ZNF425: variants seen among roughly 807,000 people sequenced by gnomAD.
ZNF425 encodes the protein zinc finger protein 425.
Under a neutral mutation model 17.0 loss-of-function variants are expected in ZNF425, and 21 were observed. The ratio of observed to expected loss-of-function variants is 1.23; its 90% confidence interval spans 0.88 to 1.78. ZNF425 has a LOEUF of 1.78. Ranked by LOEUF, ZNF425 falls within the 40% of genes most tolerant of loss-of-function variation. The probability of loss-of-function intolerance (pLI) is 0.00; values close to 1 mark genes in which losing one functional copy is unlikely to be tolerated. For missense variants in ZNF425, 868 were observed against 967.3 expected, an observed-to-expected ratio of 0.90 and a Z score of 1.36; for synonymous variants, 433 against 384.1, an observed-to-expected ratio of 1.13 and a Z score of -1.49.
intron 1 of ZNF425, among the ~76,000 whole-genome samples, chr7:149,122,105 G>C (rs925936295): frequency 2.8e-5 from 3 of 106,916 alleles, no homozygotes; most frequent in Non-Finnish European, 3.9e-5. Context: ...TTGTATTTTT[G>C]TATTTTTAGT....
chr7:149,121,543 C>T (rs919810237), intron 1 of ZNF425, among the ~76,000 whole-genome samples: 4 of 152,048 alleles, frequency 2.6e-5, no homozygotes, highest in Non-Finnish European at 5.9e-5. Flanking sequence ...AGGCGTGCCC[C>T]ACCATGCCCG....
chr7:149,118,367 T>A lies in ZNF425; in HGVS notation c.19-19A>T. 1 of 1,613,172 alleles carries A rather than the reference T, an allele frequency of 6.2e-7. No individual in the cohort carries two copies. The stretch of plus-strand genomic sequence containing the variant: ...CAGTTACCTGGAATCACAAATAGTA[T>A]ACACATACATTTTTACTTTACGGCT... On this transcript the variant is annotated intron_variant, in intron 1 of 3. Coordinates refer to ENST00000378061, the MANE Select transcript of ZNF425 (RefSeq NM_001001661.3).
Position 149,104,699 on chromosome 7 carries a change from C to T in ZNF425, c.1172G>A (p.Cys391Tyr), listed in dbSNP as rs748866487. ...SEEKPFSCGE[C>Y]GRKFIYKIKL... ...AATCTTGTAGATGAATTTCCTGCCA[C>T]ATTCACCACAAGAAAACGGCTTTTC... Residue 391 changes from cysteine to tyrosine, a missense_variant, in exon 4 of 4, where the codon TGT becomes TAT. Cys to Tyr is a radical substitution (Grantham distance 194). This residue lies in a region of ZNF425 where 243 missense variants were observed against 265.2 expected (regional missense o/e 0.92). Coordinates refer to ENST00000378061, the MANE Select transcript of ZNF425 (RefSeq NM_001001661.3). This position sits in a 1 kb window ranked among gnomAD's most constrained non-coding sequence, Gnocchi z 4.3. 1.2e-6 allele frequency: 2 copies of T among 1,613,884 alleles called. No homozygotes were observed. Among genetic ancestry groups the T allele is most frequent in the South Asian group, 1.1e-5 (1 of 91,088 alleles).
rs1274501643 is a variant in ZNF425 at position 149,103,404 on chromosome 7, G to C, written c.*208C>G. On this transcript the variant is annotated 3_prime_UTR_variant, in exon 4 of 4. Coordinates refer to ENST00000378061, the MANE Select transcript of ZNF425 (RefSeq NM_001001661.3). ...GGCTGACTTTTATATTTTTTGTAGA[G>C]ATGGAGTCTTGCAATGTTGCCTAGG... The C allele has an allele frequency of 3.6e-5, 21 of 585,034 alleles. No homozygotes were observed. The highest frequency in any genetic ancestry group is 4.6e-4 in the Middle Eastern group (1 of 2,170). The allele number at this position is 585,034 out of a possible 1,614,324, so 36.2% of individuals were successfully genotyped here. A position where few individuals can be genotyped will look rare whatever the true frequency, so the allele number is the denominator to read the frequency against.
At chr7:149,122,486 G>A (rs553961911) in intron 1 of ZNF425, among the ~76,000 whole-genome samples, 63 of 152,064 alleles carry the variant, frequency 4.1e-4, no homozygotes, top group African/African-American at 1.3e-3. Context: ...GCCCCAGTCC[G>A]TATCTTTTCA....
chr7:149,125,826 G>T, intron 1 of ZNF425: 1 of 398,886 alleles, frequency 2.5e-6, no homozygotes, highest in Non-Finnish European at 4.6e-6. Flanking sequence ...GGGGAACCTG[G>T]TGGTCCCCGC....
intron 2 of ZNF425, among the ~76,000 whole-genome samples, chr7:149,113,697 G>C (rs184041581): frequency 6.6e-6 from 1 of 151,592 alleles, no homozygotes; most frequent in Non-Finnish European, 1.5e-5. Flanking sequence ...GACTACAGGC[G>C]CCTGCCACCA....
At chr7:149,110,874 A>C (rs1463099358) in intron 3 of ZNF425, among the ~76,000 whole-genome samples, 1 of 148,364 alleles carries the variant, frequency 6.7e-6, no homozygotes. Context: ...GGCTCACTGC[A>C]AACTCCGCCT....
rs765329184 is a variant in ZNF425 at position 149,126,251 on chromosome 7, T to C, written c.-38A>G. The C allele has an allele frequency of 1.2e-6, 2 of 1,603,274 alleles. No homozygotes were observed. The highest frequency in any genetic ancestry group is 4.5e-5 in the East Asian group (2 of 44,132). On this transcript the variant is annotated 5_prime_UTR_variant, in exon 1 of 4. Transcript: ENST00000378061. ...CGAACCGGCCCTGCCTGGCACGGCC[T>C]CCCCTCCGCTCCGCCCCAACCCAAC...
chr7:149,109,346 G>C (rs1216955876), intron 3 of ZNF425, among the ~76,000 whole-genome samples: 2 of 152,036 alleles, frequency 1.3e-5, no homozygotes, highest in African/African-American at 2.4e-5. Context: ...CAAAGTGCTG[G>C]GATTACAGGC....
rs551449335 is a variant in ZNF425, at chr7:149,107,411, C to T, written c.305-1845G>A. Among the ~76,000 whole-genome samples, 1,086 of 151,652 alleles carry T rather than the reference C, an allele frequency of 7.2e-3. 15 individuals carry two copies. Among genetic ancestry groups the T allele is most frequent in the African/African-American group, 0.025 (1,026 of 41,314 alleles). ...GGAGTGCAGTAGCGCGATCTCTGCT[C>T]ACTGCAAGCTCCACCTCCCGGGTTC... On this transcript the variant is annotated intron_variant, in intron 3 of 3. Transcript: ENST00000378061.
rs1302611848 is a variant in ZNF425, at chr7:149,126,221, C to A, written c.-8G>T. On this transcript the variant is annotated 5_prime_UTR_variant, in exon 1 of 4. Transcript: ENST00000378061. ...CGAAGCCGGCTCGGCCATGGCGGTT[C>A]CGCACGAACCGGCCCTGCCTGGCAC... The A allele has an allele frequency of 6.2e-7, 1 of 1,611,186 alleles. No individual in the cohort carries two copies. The highest frequency in any genetic ancestry group is 8.5e-7 in the Non-Finnish European group (1 of 1,179,114).
At chr7:149,123,555 C>T (rs1045700026) in intron 1 of ZNF425, among the ~76,000 whole-genome samples, 8 of 152,136 alleles carry the variant, frequency 5.3e-5, no homozygotes, top group African/African-American at 1.2e-4. Flanking sequence ...TTTATTGAGG[C>T]GGAGTCTCGC....
chr7:149,118,676 G>A (rs928780124), intron 1 of ZNF425: 12 of 412,122 alleles, frequency 2.9e-5, no homozygotes, highest in African/African-American at 1.9e-4. Flanking sequence ...TTAGCTGGGC[G>A]TGATGGCACA....
chr7:149,117,251 A>C (rs1188001665), intron 2 of ZNF425, among the ~76,000 whole-genome samples: 1 of 38,412 alleles, frequency 2.6e-5, no homozygotes, highest in Non-Finnish European at 1.1e-4. Context: ...ACTCCGTCTC[A>C]AAAAAAAAAA....
intron 1 of ZNF425, among the ~76,000 whole-genome samples, chr7:149,120,253 A>G (rs1290561511): frequency 3.3e-5 from 5 of 152,070 alleles, no homozygotes; most frequent in African/African-American, 4.8e-5. Context: ...ATTGTGGCAC[A>G]TGCCTGTAGC....
chr7:149,104,976 C>CTA lies in ZNF425; in HGVS notation c.894_895insTA (p.Glu299Ter). 3 of 1,614,162 alleles carry CTA rather than the reference C, an allele frequency of 1.9e-6. No individual in the cohort carries two copies. Among genetic ancestry groups the CTA allele is most frequent in the Non-Finnish European group, 2.5e-6 (3 of 1,180,046 alleles). On this transcript the variant is annotated frameshift_variant, in exon 4 of 4. Coordinates refer to ENST00000378061, the MANE Select transcript of ZNF425 (RefSeq NM_001001661.3). LOFTEE classifies it low-confidence loss of function (END_TRUNC). The surrounding 1 kb of genome is among the most constrained non-coding windows in gnomAD (Gnocchi z 4.3). ...CACTCCCCGCAGCAGAACGGCCGCTCCCCGCGGTGTAGACACAGGTGCTTC... is the reference window on the plus strand; with the variant it reads ...CACTCCCCGCAGCAGAACGGCCGCTCTACCCGCGGTGTAGACACAGGTGCTTC...
chr7:149,104,917 C>T lies in ZNF425; in HGVS notation c.954G>A (p.Thr318=), dbSNP rs766814469. 1.9e-6 allele frequency: 3 copies of T among 1,613,476 alleles called. No individual in the cohort carries two copies. The highest frequency in any genetic ancestry group is 1.3e-5 in the African/African-American group (1 of 74,916). Residue 318 remains threonine, a synonymous_variant, in exon 4 of 4, where the codon ACG becomes ACA. Transcript: ENST00000378061. The surrounding 1 kb of genome is among the most constrained non-coding windows in gnomAD (Gnocchi z 4.3). The part of the protein sequence containing the change: ...GRAFVQQCEL[T]EHLRLHSGEK... ...CTCCGCTGTGCAGCCGCAAGTGCTC[C>T]GTGAGCTCGCACTGCTGCACGAAGG...
chr7:149,104,695 G>A lies in ZNF425; in HGVS notation c.1176C>T (p.Gly392=). The change falls in exon 4 of 4, where the codon GGC becomes GGT. Residue 392 remains glycine (G), a synonymous_variant. Coordinates refer to ENST00000378061, the MANE Select transcript of ZNF425 (RefSeq NM_001001661.3). The surrounding 1 kb of genome is among the most constrained non-coding windows in gnomAD (Gnocchi z 4.3). ...GCTTAATCTTGTAGATGAATTTCCT[G>A]CCACATTCACCACAAGAAAACGGCT... is the stretch of plus-strand genomic sequence containing the variant. ...EEKPFSCGEC[G]RKFIYKIKLD... 6.2e-7 allele frequency: 1 copy of A among 1,613,788 alleles called. No homozygotes were observed. Among genetic ancestry groups the A allele is most frequent in the Non-Finnish European group, 8.5e-7 (1 of 1,180,022 alleles).
Sources: gnomAD v4.1 joint callset for allele counts (sites outside exome capture counted in the v4.1 genomes callset) on GRCh38, gnomAD v4.1.1 for gene constraint, gnomAD v4.1.1 regional missense constraint, Gnocchi (gnomAD v3.1) non-coding constraint, MANE v1.5 for transcripts, NCBI Gene and HGNC (gene_info 2026-07-23, HGNC 2026-07-21) for gene names.